ERC2: variants seen among roughly 807,000 people sequenced by gnomAD.
ERC2 encodes the protein ELKS/RAB6-interacting/CAST family member 2, also known as ERC protein 2.
Under a neutral mutation model 114.8 loss-of-function variants are expected in ERC2, and 42 were observed. The observed-to-expected ratio is 0.37, with a 90% CI of 0.29 to 0.47. The LOEUF is 0.47. Ranked by LOEUF, ERC2 falls within the 20% of genes least tolerant of loss-of-function variation. The pLI is 0.99. For synonymous variants in ERC2, 454 were observed against 425.5 expected, an observed-to-expected ratio of 1.07 and a Z score of -0.82; for missense variants, 939 against 1,150.7, an observed-to-expected ratio of 0.82 and a Z score of 2.66.
chr3:55,943,166 C>T (rs1014749952), intron 13 of ERC2, among the ~76,000 whole-genome samples: 1 of 152,120 alleles, frequency 6.6e-6, no homozygotes, highest in African/African-American at 2.4e-5. Context: ...CACGATTGCA[C>T]CCTAGGGATT....
At chr3:55,576,667 G>T (rs2056997062) in intron 17 of ERC2, among the ~76,000 whole-genome samples, 1 of 152,252 alleles carries the variant, frequency 6.6e-6, no homozygotes, top group Non-Finnish European at 1.5e-5. Flanking sequence ...AGCAGCTGCG[G>T]AGGAAACCCC....
chr3:55,730,929 C>T (rs751306), intron 15 of ERC2, among the ~76,000 whole-genome samples: 73,252 of 152,082 alleles, frequency 0.48, 19,197 homozygotes, highest in South Asian at 0.69. Context: ...ACTGAGCAGG[C>T]CAGAAGGGTG....
In ERC2 at chr3:55,666,169, A is replaced by G. The variant is rs549861157; in HGVS notation, c.*39+17625T>C. On this transcript the variant is annotated intron_variant, in intron 17 of 17. Coordinates refer to ENST00000288221, the MANE Select transcript of ERC2 (RefSeq NM_015576.3). ...CTGACCCAAGGTCACAGAGCTCATC[A>G]GCGGTGGAGCGGGGATTTGAATCAA... Among the ~76,000 whole-genome samples, 4 of 152,310 alleles carry G rather than the reference A, an allele frequency of 2.6e-5. No individual in the cohort carries two copies. In the South Asian group the frequency reaches 8.3e-4, roughly 32 times the overall value.
At chr3:56,266,320 C>T (rs935871911) in intron 3 of ERC2, among the ~76,000 whole-genome samples, 1 of 151,544 alleles carries the variant, frequency 6.6e-6, no homozygotes, top group African/African-American at 2.4e-5. Flanking sequence ...TTAGTAGAGA[C>T]AGGGTTTCAC....
At chr3:55,520,108 G>A (rs1376931013) in intron 17 of ERC2, among the ~76,000 whole-genome samples, 1 of 151,394 alleles carries the variant, frequency 6.6e-6, no homozygotes, top group East Asian at 2.0e-4. Flanking sequence ...CACCCTGTAT[G>A]TGGCCTGGAA....
chr3:55,574,385 A>C (rs139017852), intron 17 of ERC2, among the ~76,000 whole-genome samples: 445 of 152,240 alleles, frequency 2.9e-3, no homozygotes, highest in Non-Finnish European at 5.1e-3. Context: ...CTCCCAAGTC[A>C]TCTGGCCGAT....
chr3:56,214,366 T>TGTGA (rs1203667467), intron 3 of ERC2, among the ~76,000 whole-genome samples: 2,725 of 142,428 alleles, frequency 0.019, 88 homozygotes, highest in Admixed American at 0.036. Context: ...CAGTAGCTGA[T>TGTGA]TCAATAAACT....
chr3:55,893,056 G>A (rs2063686795), intron 13 of ERC2, among the ~76,000 whole-genome samples: 1 of 152,128 alleles, frequency 6.6e-6, no homozygotes, highest in African/African-American at 2.4e-5. Context: ...CTTTCACCAT[G>A]TAGGGACACG....
chr3:55,978,410 C>A (rs747244851), intron 12 of ERC2, among the ~76,000 whole-genome samples: 31 of 152,330 alleles, frequency 2.0e-4, no homozygotes, highest in Non-Finnish European at 1.3e-4. Context: ...TGTTTTCAAC[C>A]TTTTCCTCAA....
At chr3:55,655,014 G>A (rs1348361298) in intron 17 of ERC2, among the ~76,000 whole-genome samples, 1 of 152,164 alleles carries the variant, frequency 6.6e-6, no homozygotes, top group Non-Finnish European at 1.5e-5. Flanking sequence ...CCCTATACAG[G>A]CCTGTGGCAG....
intron 2 of ERC2, among the ~76,000 whole-genome samples, chr3:56,329,186 GA>G (rs1198403329): frequency 2.0e-5 from 3 of 152,200 alleles, no homozygotes; most frequent in Non-Finnish European, 4.4e-5. Flanking sequence ...ATGTTTAAAA[GA>G]TTTTGTTATA....
intron 14 of ERC2, among the ~76,000 whole-genome samples, chr3:55,736,521 G>C (rs1367854641): frequency 2.6e-5 from 4 of 151,948 alleles, no homozygotes; most frequent in Non-Finnish European, 4.4e-5. Context: ...AGAACTCTTT[G>C]CCATTTGATA....
Position 56,149,000 on chromosome 3 carries a change from G to A in ERC2, c.1282C>T (p.His428Tyr), listed in dbSNP as rs2081285408. 6.2e-7 allele frequency: 1 copy of A among 1,613,180 alleles called. No homozygotes were observed. The highest frequency in any genetic ancestry group is 1.1e-5 in the South Asian group (1 of 91,012). The change falls in exon 5 of 18, where the codon CAC (histidine) becomes TAC (tyrosine). Residue 428 changes from histidine to tyrosine, a missense_variant. His to Tyr is a moderately conservative substitution (Grantham distance 83). Coordinates refer to ENST00000288221, the MANE Select transcript of ERC2 (RefSeq NM_015576.3). ...ACCTTGGTCTTCATAAACTTGGAGT[G>A]ACTTTTGTAAACCTCAATTTGTTTG... ...EIKQIEVYKS[H>Y]SKFMKTKIDQ...
At chr3:56,091,330 G>C (rs968230455) in intron 6 of ERC2, among the ~76,000 whole-genome samples, 4 of 152,136 alleles carry the variant, frequency 2.6e-5, no homozygotes, top group African/African-American at 7.2e-5. Context: ...AAGACTCCTG[G>C]GTTGCTAGCT....
rs562230657 is a variant in ERC2, at chr3:56,092,232, T to C, written c.1474-11248A>G. Among the ~76,000 whole-genome samples the C allele has an allele frequency of 2.6e-5, 4 of 152,304 alleles. No individual in the cohort carries two copies. In the South Asian group the frequency reaches 8.3e-4, roughly 32 times the overall value. On this transcript the variant is annotated intron_variant, in intron 6 of 17. Transcript: ENST00000288221. ...TTTTCAGGTTGTAAAAATGTGTTTG[T>C]CATGCCTACCTGTCAAAAAATTATA...
chr3:55,815,269 C>G (rs894327359), intron 14 of ERC2, among the ~76,000 whole-genome samples: 1 of 152,120 alleles, frequency 6.6e-6, no homozygotes, highest in African/African-American at 2.4e-5. Context: ...CATTTTGTTC[C>G]CTACTGTTAC....
At chr3:56,461,237 T>C (rs2063305531) in intron 1 of ERC2, among the ~76,000 whole-genome samples, 1 of 152,138 alleles carries the variant, frequency 6.6e-6, no homozygotes, top group Non-Finnish European at 1.5e-5. Flanking sequence ...GTAAGTTACA[T>C]AAAGTTTAGC....
At chr3:55,649,145 G>A (rs2060510639) in intron 17 of ERC2, among the ~76,000 whole-genome samples, 1 of 152,028 alleles carries the variant, frequency 6.6e-6, no homozygotes, top group African/African-American at 2.4e-5. Context: ...ACAGGCATAA[G>A]ACTTCACTTC....
At chr3:55,612,753 A>G (rs2058961287) in intron 17 of ERC2, 1 of 152,212 alleles carries the variant, frequency 6.6e-6, no homozygotes, top group Admixed American at 6.5e-5. Context: ...GTAAAGTTCA[A>G]CGATTTTAAG....
Sources: gnomAD v4.1 joint callset for allele counts (sites outside exome capture counted in the v4.1 genomes callset) on GRCh38, gnomAD v4.1.1 for gene constraint, MANE v1.5 for transcripts, NCBI Gene and HGNC (gene_info 2026-07-23, HGNC 2026-07-21) for gene names.